The following SLCO3A1 variants were observed in gnomAD, a reference collection of about 807,000 sequenced individuals.
SLCO3A1 encodes the protein solute carrier organic anion transporter family member 3A1.
Under a neutral mutation model 63.1 loss-of-function variants are expected in SLCO3A1, and 27 were observed. The ratio of observed to expected loss-of-function variants is 0.43; its 90% CI spans 0.32 to 0.59. The LOEUF (loss-of-function observed/expected upper bound fraction) is 0.59. Among genes scored for constraint, SLCO3A1 ranks in the 20% least tolerant of loss-of-function variants. The probability of loss-of-function intolerance (pLI) is 0.09; values close to 1 mark genes in which losing one functional copy is unlikely to be tolerated. For missense variants in SLCO3A1, 773 were observed against 945.8 expected (o/e 0.82, Z 2.40); for synonymous variants, 473 against 409.9 (o/e 1.15, Z -1.86).
chr15:91,878,892 T>G (rs943628295), intron 1 of SLCO3A1, among the ~76,000 whole-genome samples: 32 of 152,366 alleles, frequency 2.1e-4, no homozygotes, highest in African/African-American at 7.5e-4. Context: ...AATTTGGGCT[T>G]TTTTTCCTCC....
At chr15:92,036,680 T>C (rs894826263) in intron 2 of SLCO3A1, among the ~76,000 whole-genome samples, 3 of 152,222 alleles carry the variant, frequency 2.0e-5, no homozygotes, top group Non-Finnish European at 4.4e-5. Flanking sequence ...TGCAGATTCA[T>C]CCATTTCAAA....
At chr15:92,044,161 C>T (rs775317033) in intron 2 of SLCO3A1, among the ~76,000 whole-genome samples, 8 of 152,070 alleles carry the variant, frequency 5.3e-5, no homozygotes, top group South Asian at 2.1e-4. Context: ...ATGACCTTCC[C>T]GGGGACACTC....
chr15:92,075,978 G>A (rs1243764224), intron 2 of SLCO3A1, among the ~76,000 whole-genome samples: 1 of 152,182 alleles, frequency 6.6e-6, no homozygotes, highest in African/African-American at 2.4e-5. Context: ...AAATGAAGTT[G>A]GTCTGGCGTG....
Position 92,091,758 on chromosome 15 carries a change from T to C in SLCO3A1, c.647-3123T>C, listed in dbSNP as rs139566252. Among the ~76,000 whole-genome samples the C allele has an allele frequency of 1.9e-3, 285 of 152,352 alleles. 4 individuals carry two copies. Among genetic ancestry groups the C allele is most frequent in the African/African-American group, 6.6e-3 (273 of 41,574 alleles). On this transcript the variant is annotated intron_variant, in intron 2 of 9. Transcript: ENST00000318445. ...CAGAGGTTGCACCTGAGGAGGAAGA[T>C]GCCTTTTATACCAAAATACGTGTGC... is the stretch of plus-strand genomic sequence containing the variant.
At chr15:91,871,026 C>T (rs1256257715) in intron 1 of SLCO3A1, among the ~76,000 whole-genome samples, 1 of 152,072 alleles carries the variant, frequency 6.6e-6, no homozygotes, top group Non-Finnish European at 1.5e-5. Context: ...TCTTTGACAC[C>T]TACTGTTGCT....
chr15:92,048,012 C>T (rs1036790237), intron 2 of SLCO3A1, among the ~76,000 whole-genome samples: 3 of 152,050 alleles, frequency 2.0e-5, no homozygotes, highest in Non-Finnish European at 4.4e-5. Context: ...CTGCTGTTGC[C>T]TCTCTCTGCC....
chr15:92,011,499 A>T (rs2046368368), intron 2 of SLCO3A1, among the ~76,000 whole-genome samples: 1 of 142,818 alleles, frequency 7.0e-6, no homozygotes, highest in South Asian at 2.3e-4. Context: ...ATAAAAATTT[A>T]AACACATGCT....
chr15:92,165,283 C>A lies in SLCO3A1; in HGVS notation c.*2148C>A, dbSNP rs779179997. The A allele has an allele frequency of 2.1e-5, 21 of 985,308 alleles. No homozygotes were observed. The highest frequency in any genetic ancestry group is 2.5e-5 in the Non-Finnish European group (21 of 829,882). The allele number at this position is 985,308 out of a possible 1,614,324, so 61.0% of individuals were successfully genotyped here. A position where few individuals can be genotyped will look rare whatever the true frequency, so the allele number is the denominator to read the frequency against. On this transcript the variant is annotated 3_prime_UTR_variant, in exon 10 of 10. Transcript: ENST00000318445. ...ATGAAAATGGGGACACTCATCAGTACGTTAACTACTAAAGGGGAGATGGTT... is the reference window on the plus strand; with the variant it reads ...ATGAAAATGGGGACACTCATCAGTAAGTTAACTACTAAAGGGGAGATGGTT...
At chr15:92,008,065 T>C (rs1052547028) in intron 2 of SLCO3A1, among the ~76,000 whole-genome samples, 7 of 152,154 alleles carry the variant, frequency 4.6e-5, no homozygotes, top group African/African-American at 1.7e-4. Context: ...GAGGACCCAA[T>C]CACAGGTGCC....
At chr15:92,127,169 C>A (rs996334168) in intron 6 of SLCO3A1, among the ~76,000 whole-genome samples, 1 of 152,192 alleles carries the variant, frequency 6.6e-6, no homozygotes, top group East Asian at 1.9e-4. Flanking sequence ...CGGGGTTGCC[C>A]CTTCCAATCC....
intron 2 of SLCO3A1, among the ~76,000 whole-genome samples, chr15:91,936,730 C>T (rs1441667258): frequency 1.3e-5 from 2 of 152,142 alleles, no homozygotes; most frequent in Non-Finnish European, 2.9e-5. Flanking sequence ...CTGAGGCTGT[C>T]CTGAGAGGTG....
chr15:92,046,277 G>A (rs2151491641), intron 2 of SLCO3A1, among the ~76,000 whole-genome samples: 1 of 152,188 alleles, frequency 6.6e-6, no homozygotes, highest in South Asian at 2.1e-4. Context: ...CACTTTGGGA[G>A]GCCGAGACGG....
At chr15:92,071,246 C>T (rs1380881028) in intron 2 of SLCO3A1, among the ~76,000 whole-genome samples, 2 of 152,102 alleles carry the variant, frequency 1.3e-5, no homozygotes, top group Non-Finnish European at 1.5e-5. Flanking sequence ...CATGCGAGGC[C>T]GGTGCCTGCC....
At chr15:91,955,240 G>A (rs772279442) in intron 2 of SLCO3A1, among the ~76,000 whole-genome samples, 40 of 152,172 alleles carry the variant, frequency 2.6e-4, no homozygotes, top group Non-Finnish European at 3.7e-4. Flanking sequence ...TAGCCAAGAT[G>A]TGGTAGGGTT....
chr15:91,961,897 T>C (rs1029640369), intron 2 of SLCO3A1, among the ~76,000 whole-genome samples: 3 of 152,258 alleles, frequency 2.0e-5, no homozygotes, highest in Admixed American at 6.5e-5. Context: ...ACATGTGTAC[T>C]GAATGAATGA....
chr15:92,019,603 C>T (rs1275925306), intron 2 of SLCO3A1, among the ~76,000 whole-genome samples: 3 of 152,194 alleles, frequency 2.0e-5, no homozygotes, highest in African/African-American at 7.2e-5. Flanking sequence ...CAAGAGTTTG[C>T]TGGGTAGAAA....
At chr15:91,920,074 A>G (rs1171863204) in intron 2 of SLCO3A1, among the ~76,000 whole-genome samples, 2 of 152,206 alleles carry the variant, frequency 1.3e-5, no homozygotes, top group African/African-American at 2.4e-5. Context: ...TATATACGAC[A>G]ATATTTAATA....
chr15:92,097,532 G>A (rs964342366), intron 3 of SLCO3A1, among the ~76,000 whole-genome samples: 16 of 152,196 alleles, frequency 1.1e-4, no homozygotes, highest in African/African-American at 2.7e-4. Flanking sequence ...AGGGTGGAGC[G>A]GTGTGATCCA....
Position 92,047,231 on chromosome 15 carries a change from T to A in SLCO3A1, c.647-47650T>A, listed in dbSNP as rs1229913616. ...ATATATAAATATATATACAAATATA[T>A]ATATAATATATAAATATATATACAT... On this transcript the variant is annotated intron_variant, in intron 2 of 9. Coordinates refer to ENST00000318445, the MANE Select transcript of SLCO3A1 (RefSeq NM_013272.4). Among the ~76,000 whole-genome samples the A allele has an allele frequency of 3.2e-4, 2 of 6,210 alleles. 1 individual carries two copies. Among genetic ancestry groups the A allele is most frequent in the Non-Finnish European group, 4.6e-4 (2 of 4,310 alleles). 4.1% of individuals were successfully genotyped at this position (6,210 alleles called of 152,430 possible).
Sources: gnomAD v4.1 joint callset for allele counts (sites outside exome capture counted in the v4.1 genomes callset) on GRCh38, gnomAD v4.1.1 for gene constraint, MANE v1.5 for transcripts, NCBI Gene and HGNC (gene_info 2026-07-23, HGNC 2026-07-21) for gene names.